Variants in DTD1 observed in about 807,000 individuals in gnomAD.
DTD1 encodes the protein D-aminoacyl-tRNA deacylase 1.
In DTD1, 13 loss-of-function variants were observed where a neutral mutation model predicts 25.6. The ratio of observed to expected loss-of-function variants is 0.51; its 90% confidence interval spans 0.33 to 0.81. DTD1 has a LOEUF of 0.81. Among genes scored for constraint, DTD1 ranks in the 30% least tolerant of loss-of-function variants. DTD1 has a pLI of 0.02. For missense variants in DTD1, 193 were observed against 266.4 expected, an observed-to-expected ratio of 0.72 and a Z score of 1.92; for synonymous variants, 110 against 103.6, an observed-to-expected ratio of 1.06 and a Z score of -0.37.
At chr20:18,601,076 G>T (rs534401031) in intron 3 of DTD1, among the ~76,000 whole-genome samples, 1 of 152,290 alleles carries the variant, frequency 6.6e-6, no homozygotes, top group South Asian at 2.1e-4. Flanking sequence ...TTCCAGTCCG[G>T]TGTTGGAAAG....
chr20:18,757,497 G>T (rs1045621461), intron 5 of DTD1, among the ~76,000 whole-genome samples: 4 of 152,186 alleles, frequency 2.6e-5, no homozygotes, highest in Non-Finnish European at 4.4e-5. Flanking sequence ...GTTGAATTTT[G>T]TCAAAGGCCT....
intron 5 of DTD1, among the ~76,000 whole-genome samples, chr20:18,763,069 C>A (rs1429268514): frequency 1.3e-5 from 2 of 152,112 alleles, no homozygotes; most frequent in Non-Finnish European, 2.9e-5. Flanking sequence ...CTGGTGACTT[C>A]TCTTTGATGC....
At chr20:18,664,353 G>T (rs1295219727) in intron 4 of DTD1, among the ~76,000 whole-genome samples, 1 of 152,206 alleles carries the variant, frequency 6.6e-6, no homozygotes, top group African/African-American at 2.4e-5. Flanking sequence ...CTCTGAGCAT[G>T]AGAAAGTGTT....
At chr20:18,589,020 C>A in intron 1 of DTD1, 2 of 412,022 alleles carry the variant, frequency 4.9e-6, no homozygotes, top group South Asian at 1.0e-4. Context: ...CCAGTCTGCA[C>A]CAAATATGCG....
At chr20:18,706,477 G>A (rs377062714) in intron 4 of DTD1, among the ~76,000 whole-genome samples, 1 of 152,190 alleles carries the variant, frequency 6.6e-6, no homozygotes, top group African/African-American at 2.4e-5. Flanking sequence ...CAGTAAACAG[G>A]TAACCTGTCA....
chr20:18,739,387 C>CTCAGTGAAGCT (rs1437021810), intron 4 of DTD1, among the ~76,000 whole-genome samples: 3 of 152,218 alleles, frequency 2.0e-5, no homozygotes, highest in Admixed American at 2.0e-4. Context: ...TGTTCCCAAG[C>CTCAGTGAAGCT]TTCACTGTGA....
At chr20:18,605,926 T>C (rs1568643036) in intron 3 of DTD1, among the ~76,000 whole-genome samples, 3 of 149,758 alleles carry the variant, frequency 2.0e-5, no homozygotes, top group Non-Finnish European at 4.4e-5. Flanking sequence ...AATTGACAAA[T>C]GGGATCTAAT....
At chr20:18,659,227 G>C (rs2060900245) in intron 4 of DTD1, among the ~76,000 whole-genome samples, 1 of 152,226 alleles carries the variant, frequency 6.6e-6, no homozygotes, top group Non-Finnish European at 1.5e-5. Flanking sequence ...TCTGATGGAT[G>C]CAAGCCTGAG....
intron 4 of DTD1, among the ~76,000 whole-genome samples, chr20:18,683,392 G>A (rs79334179): frequency 0.019 from 2,926 of 152,210 alleles, 58 homozygotes; most frequent in South Asian, 0.041. Context: ...AGACATTATG[G>A]GTATTTCAGA....
chr20:18,689,207 C>T (rs2061031783), intron 4 of DTD1, among the ~76,000 whole-genome samples: 1 of 152,096 alleles, frequency 6.6e-6, no homozygotes, highest in African/African-American at 2.4e-5. Context: ...GAGTCTGAGG[C>T]CAGAGTTGCC....
rs867598604 is a variant in DTD1 at position 18,591,003 on chromosome 20, G to C, written c.44-2728G>C. 3.3e-5 allele frequency among the ~76,000 whole-genome samples: 5 copies of C among 152,184 alleles called. No individual in the cohort carries two copies. In the South Asian group the frequency reaches 1.0e-3, roughly 32 times the overall value. ...TCAAAGGTTATGAATTCTTGAAGTA[G>C]AGATCTCAGGTCTGATGCCACTAGT... is the stretch of plus-strand genomic sequence containing the variant. On this transcript the variant is annotated intron_variant, in intron 1 of 5. Transcript: ENST00000377452.
At chr20:18,746,188 G>C (rs1259265028) in intron 5 of DTD1, among the ~76,000 whole-genome samples, 2 of 152,136 alleles carry the variant, frequency 1.3e-5, no homozygotes, top group East Asian at 3.9e-4. Context: ...TGGCTTTAGA[G>C]CTGGGGAGCC....
At chr20:18,718,689 A>G (rs1333101509) in intron 4 of DTD1, among the ~76,000 whole-genome samples, 2 of 152,212 alleles carry the variant, frequency 1.3e-5, no homozygotes, top group Non-Finnish European at 2.9e-5. Context: ...ATATAATGTT[A>G]TACATATACA....
chr20:18,719,255 G>A (rs1055961657), intron 4 of DTD1, among the ~76,000 whole-genome samples: 1 of 152,018 alleles, frequency 6.6e-6, no homozygotes, highest in South Asian at 2.1e-4. Context: ...ATGTGTGTGT[G>A]TGTGTGTGTG....
chr20:18,731,216 C>T (rs2061238358), intron 4 of DTD1, among the ~76,000 whole-genome samples: 1 of 152,138 alleles, frequency 6.6e-6, no homozygotes, highest in African/African-American at 2.4e-5. Context: ...TGCTCCGCTC[C>T]CTCCTTTTAC....
At chr20:18,600,983 T>C (rs1038956388) in intron 3 of DTD1, among the ~76,000 whole-genome samples, 5 of 152,242 alleles carry the variant, frequency 3.3e-5, no homozygotes, top group Non-Finnish European at 5.9e-5. Context: ...TTTTTGATTT[T>C]CTTCTTGGAT....
chr20:18,747,788 G>A (rs1052765782), intron 5 of DTD1, among the ~76,000 whole-genome samples: 12 of 151,750 alleles, frequency 7.9e-5, no homozygotes, highest in African/African-American at 1.2e-4. Flanking sequence ...CCAGGCAGGC[G>A]GATCACGAGG....
At chr20:18,667,214 G>A (rs555208289) in intron 4 of DTD1, among the ~76,000 whole-genome samples, 1 of 152,314 alleles carries the variant, frequency 6.6e-6, no homozygotes, top group African/African-American at 2.4e-5. Flanking sequence ...AGATGGCATT[G>A]CATTTCATTA....
chr20:18,739,255 T>TTG, intron 4 of DTD1, among the ~76,000 whole-genome samples: 1 of 152,256 alleles, frequency 6.6e-6, no homozygotes, highest in Non-Finnish European at 1.5e-5. Context: ...CATTCTTAGA[T>TTG]TGTGCAATTA....
Sources: allele counts gnomAD v4.1 joint callset (sites outside exome capture counted in the v4.1 genomes callset), GRCh38; gene constraint gnomAD v4.1.1; transcripts MANE v1.5; gene names NCBI Gene and HGNC (gene_info 2026-07-23, HGNC 2026-07-21).